The following JAKMIP3 variants were observed in gnomAD, a reference collection of about 807,000 sequenced individuals.
The protein encoded by JAKMIP3 is janus kinase and microtubule-interacting protein 3.
A neutral mutation model predicts 118.5 loss-of-function variants in JAKMIP3; 58 were observed. That is an observed-to-expected ratio of 0.49 (90% CI 0.40 to 0.61). The LOEUF (loss-of-function observed/expected upper bound fraction) is 0.61. JAKMIP3 is among the 20% of genes least tolerant of loss of function. The pLI is 0.00. For synonymous variants in JAKMIP3, 486 were observed against 451.2 expected, an observed-to-expected ratio of 1.08 and a Z score of -0.98; for missense variants, 950 against 1,109.0, an observed-to-expected ratio of 0.86 and a Z score of 2.04.
intron 23 of JAKMIP3, among the ~76,000 whole-genome samples, chr10:132,173,362 G>A (rs560580590): frequency 6.6e-6 from 1 of 150,570 alleles, no homozygotes; most frequent in African/African-American, 2.4e-5. Context: ...GATACTTGGC[G>A]CTTGCTGTCT....
At chr10:132,152,330 C>T (rs79958816) in intron 16 of JAKMIP3, among the ~76,000 whole-genome samples, 17,566 of 152,240 alleles carry the variant, frequency 0.12, 1,340 homozygotes, top group Middle Eastern at 0.16. Context: ...AGAGGCCCCA[C>T]GAGCTGGAGT....
Position 132,140,581 on chromosome 10 carries a change from TAAC to T in JAKMIP3, c.1473+3_1473+5del. On this transcript the variant is annotated splice_donor_5th_base_variant and intron_variant, in intron 10 of 23. Transcript: ENST00000684848. Reference sequence around the variant, plus strand: ...ACCCCGGACGATGACTTGGAGGAGGTAACGAGGGTCTCCTGCCGGGTCCTGGGC... The same window carrying T: ...ACCCCGGACGATGACTTGGAGGAGGTGAGGGTCTCCTGCCGGGTCCTGGGC... 1.4e-6 allele frequency: 2 copies of T among 1,410,634 alleles called. No homozygotes were observed. The highest frequency in any genetic ancestry group is 4.3e-5 in the Admixed American group (2 of 46,210). The allele number at this position is 1,410,634 out of a possible 1,614,324, so 87.4% of individuals were successfully genotyped here. A position where few individuals can be genotyped will look rare whatever the true frequency, so the allele number is the denominator to read the frequency against.
intron 4 of JAKMIP3, among the ~76,000 whole-genome samples, chr10:132,133,918 C>T (rs949427386): frequency 3.9e-5 from 6 of 152,240 alleles, no homozygotes; most frequent in Non-Finnish European, 8.8e-5. Flanking sequence ...GCCTCTGGCC[C>T]GGGAAGGCTG....
intron 3 of JAKMIP3, among the ~76,000 whole-genome samples, chr10:132,128,198 A>C (rs1173394009): frequency 6.6e-6 from 1 of 152,210 alleles, no homozygotes; most frequent in Non-Finnish European, 1.5e-5. Context: ...TCACATTGTC[A>C]GGCGTTTTTC....
intron 23 of JAKMIP3, among the ~76,000 whole-genome samples, chr10:132,172,247 G>T (rs914796514): frequency 2.0e-5 from 3 of 152,138 alleles, no homozygotes; most frequent in Non-Finnish European, 4.4e-5. Flanking sequence ...TGGGGGGCAT[G>T]CCCCAGGAGT....
intron 3 of JAKMIP3, among the ~76,000 whole-genome samples, chr10:132,129,027 G>T (rs1319821815): frequency 6.6e-6 from 1 of 152,162 alleles, no homozygotes; most frequent in African/African-American, 2.4e-5. Flanking sequence ...CGTGTCTAAT[G>T]ATTTTCATTA....
intron 3 of JAKMIP3, among the ~76,000 whole-genome samples, chr10:132,129,373 T>C (rs1464718281): frequency 6.6e-6 from 1 of 152,210 alleles, no homozygotes; most frequent in African/African-American, 2.4e-5. Flanking sequence ...AGGAACTGTT[T>C]CCTGCAAGGC....
intron 1 of JAKMIP3, among the ~76,000 whole-genome samples, chr10:132,052,279 T>C (rs763394169): frequency 9.9e-5 from 15 of 152,222 alleles, no homozygotes; most frequent in Non-Finnish European, 2.1e-4. Flanking sequence ...CCATTGTCCC[T>C]ATAAGAAGTC....
At chr10:132,129,814 G>C (rs1410626908) in intron 3 of JAKMIP3, among the ~76,000 whole-genome samples, 1 of 151,952 alleles carries the variant, frequency 6.6e-6, no homozygotes, top group African/African-American at 2.4e-5. Context: ...ATCGCAGAAG[G>C]GTAAGTCTAA....
chr10:132,046,412 C>T (rs1400574074), intron 1 of JAKMIP3, among the ~76,000 whole-genome samples: 3 of 151,818 alleles, frequency 2.0e-5, no homozygotes, highest in Non-Finnish European at 1.5e-5. Flanking sequence ...GCCGAGATCG[C>T]GCCACTGCAC....
At chr10:132,105,655 T>A (rs2045790702) in intron 2 of JAKMIP3, among the ~76,000 whole-genome samples, 2 of 152,156 alleles carry the variant, frequency 1.3e-5, no homozygotes, top group South Asian at 4.1e-4. Context: ...CCCTCTCCTT[T>A]CCATCTCCTG....
chr10:132,055,072 G>A (rs888387868), intron 1 of JAKMIP3, among the ~76,000 whole-genome samples: 5 of 152,158 alleles, frequency 3.3e-5, no homozygotes, highest in Non-Finnish European at 5.9e-5. Context: ...CTCAGGGGGC[G>A]CAGATTTCTT....
intron 23 of JAKMIP3, among the ~76,000 whole-genome samples, chr10:132,180,439 G>C (rs1303534033): frequency 9.4e-6 from 1 of 106,508 alleles, no homozygotes; most frequent in East Asian, 3.2e-4. Context: ...GGGTGGGAGG[G>C]AGAAGATCAC....
chr10:132,135,248 C>CTTT, intron 5 of JAKMIP3, 88 bp downstream of exon 5: 2 of 1,340,564 alleles, frequency 1.5e-6, no homozygotes, highest in Non-Finnish European at 2.0e-6. Flanking sequence ...AAATTCCTTG[C>CTTT]GTAAAGGAGT....
intron 1 of JAKMIP3, among the ~76,000 whole-genome samples, chr10:132,079,158 C>CTGGGAGCGGACGGCCTGGGAGCGGA (rs142242799): frequency 0.061 from 9,129 of 150,230 alleles, 608 homozygotes; most frequent in East Asian, 0.25. Flanking sequence ...AGCGGACGGC[C>CTGGGAGCGGACGGCCTGGGAGCGGA]CAGCCCCACA....
intron 3 of JAKMIP3, among the ~76,000 whole-genome samples, chr10:132,127,418 G>GTGTGTT (rs34396130): frequency 6.8e-6 from 1 of 147,000 alleles, no homozygotes; most frequent in Admixed American, 6.7e-5. Flanking sequence ...GTGTGTGTGT[G>GTGTGTT]CGTGTGTGTG....
rs745792121 is a variant in JAKMIP3 at position 132,117,506 on chromosome 10, G to A, written c.565G>A (p.Val189Met). 71 of 1,609,222 alleles carry A rather than the reference G, an allele frequency of 4.4e-5. No individual in the cohort carries two copies. Among genetic ancestry groups the A allele is most frequent in the Non-Finnish European group, 5.3e-5 (63 of 1,178,038 alleles). The part of the protein sequence containing the change: ...DKIKAAEIRS[V>M]YHLHQEEITR... ...GATCAAGGCCGCAGAGATCCGCAGC[G>A]TGTACCACCTGCACCAGGAGGAGAT... is the stretch of plus-strand genomic sequence containing the variant. Residue 189 changes from valine to methionine, a missense_variant, in exon 3 of 24, where the codon GTG becomes ATG. Coordinates refer to ENST00000684848, the MANE Select transcript of JAKMIP3 (RefSeq NM_001323087.2). The surrounding 1 kb of genome is among the most constrained non-coding windows in gnomAD (Gnocchi z 8.6).
rs1011615647 is a variant in JAKMIP3 at position 132,117,672 on chromosome 10, C to A, written c.633+98C>A. ...GTGGGCGAGGGTGCAGGCGTGGGCT[C>A]GGGGAGCACGCGGGCAGCACCGGCT... On this transcript the variant is annotated intron_variant, in intron 3 of 23. Coordinates refer to ENST00000684848, the MANE Select transcript of JAKMIP3 (RefSeq NM_001323087.2). The surrounding 1 kb of genome is among the most constrained non-coding windows in gnomAD (Gnocchi z 8.6). The A allele has an allele frequency of 8.1e-7, 1 of 1,235,124 alleles. No individual in the cohort carries two copies. The highest frequency in any genetic ancestry group is 1.0e-6 in the Non-Finnish European group (1 of 967,306). The allele number at this position is 1,235,124 out of a possible 1,614,324, so 76.5% of individuals were successfully genotyped here.
At position 132,139,386 on chromosome 10, in the gene JAKMIP3, G is replaced by A. The variant is rs974134731; in HGVS notation, c.1345-1065G>A. ...CGTCTGTACGTGTGTGAGTATGTGA[G>A]TGTATGAGTATGTGAGTGTGTATGT... On this transcript the variant is annotated intron_variant, in intron 9 of 23. Transcript: ENST00000684848. 2.9e-4 allele frequency among the ~76,000 whole-genome samples: 43 copies of A among 149,046 alleles called. 1 individual carries two copies. Among genetic ancestry groups the A allele is most frequent in the Non-Finnish European group, 8.9e-5 (6 of 67,652 alleles).
Sources: allele counts gnomAD v4.1 joint callset (sites outside exome capture counted in the v4.1 genomes callset), GRCh38; gene constraint gnomAD v4.1.1; non-coding constraint Gnocchi (gnomAD v3.1); transcripts MANE v1.5; gene names NCBI Gene and HGNC (gene_info 2026-07-23, HGNC 2026-07-21).